The following PDE4B variants were observed in gnomAD, a reference collection of about 807,000 sequenced individuals.
PDE4B encodes phosphodiesterase 4B, also known as 3',5'-cyclic-AMP phosphodiesterase 4B.
Under a neutral mutation model 82.2 loss-of-function variants are expected in PDE4B, and 20 were observed. The observed-to-expected ratio is 0.24, with a 90% CI of 0.17 to 0.35. The LOEUF (loss-of-function observed/expected upper bound fraction) is 0.35. PDE4B is among the 10% of genes least tolerant of loss of function. The probability of loss-of-function intolerance (pLI) is 1.00; values close to 1 mark genes in which losing one functional copy is unlikely to be tolerated. For synonymous variants in PDE4B, 320 were observed against 318.9 expected (o/e 1.00, Z -0.04); for missense variants, 655 against 907.2 (o/e 0.72, Z 3.57).
chr1:66,003,526 G>T (rs1377103982), intron 3 of PDE4B, among the ~76,000 whole-genome samples: 1 of 152,112 alleles, frequency 6.6e-6, no homozygotes, highest in African/African-American at 2.4e-5. Flanking sequence ...AGGATTCAGT[G>T]AACAAATGCC....
At chr1:66,302,760 G>C (rs1657989716) in intron 7 of PDE4B, among the ~76,000 whole-genome samples, 1 of 152,190 alleles carries the variant, frequency 6.6e-6, no homozygotes, top group African/African-American at 2.4e-5. Context: ...ATCAGAGATT[G>C]ATTAGAATCT....
At chr1:65,995,129 A>G (rs1651466852) in intron 3 of PDE4B, among the ~76,000 whole-genome samples, 1 of 152,168 alleles carries the variant, frequency 6.6e-6, no homozygotes, top group South Asian at 2.1e-4. Context: ...ATAATTCATT[A>G]ATCATTAAAC....
At chr1:66,046,862 A>C (rs999697647) in intron 3 of PDE4B, among the ~76,000 whole-genome samples, 2 of 151,844 alleles carry the variant, frequency 1.3e-5, no homozygotes, top group Non-Finnish European at 2.9e-5. Context: ...ATTCAGATAC[A>C]ATGGGCTCTA....
intron 7 of PDE4B, among the ~76,000 whole-genome samples, chr1:66,287,226 G>A (rs778440852): frequency 1.3e-5 from 2 of 152,086 alleles, no homozygotes; most frequent in Non-Finnish European, 2.9e-5. Context: ...CTCCATCTTC[G>A]AATCCAAACA....
intron 3 of PDE4B, among the ~76,000 whole-genome samples, chr1:65,937,812 T>C (rs529972167): frequency 3.9e-5 from 6 of 152,274 alleles, no homozygotes; most frequent in African/African-American, 1.4e-4. Context: ...AAGTGCAGGT[T>C]TTATATAAAA....
At chr1:66,204,551 G>A (rs1304107015) in intron 3 of PDE4B, among the ~76,000 whole-genome samples, 2 of 152,024 alleles carry the variant, frequency 1.3e-5, no homozygotes, top group Non-Finnish European at 2.9e-5. Flanking sequence ...GCAATGGCAG[G>A]TGCCCCTCCC....
intron 1 of PDE4B, among the ~76,000 whole-genome samples, chr1:65,794,737 G>T (rs565834317): frequency 2.0e-4 from 31 of 152,212 alleles, no homozygotes; most frequent in South Asian, 6.2e-4. Flanking sequence ...TGCCAATTTT[G>T]TTAATTTACA....
intron 3 of PDE4B, among the ~76,000 whole-genome samples, chr1:65,934,391 C>T (rs1310821255): frequency 6.6e-6 from 1 of 152,158 alleles, no homozygotes; most frequent in Non-Finnish European, 1.5e-5. Flanking sequence ...TAACAAAGAG[C>T]TATGATTGTG....
At chr1:66,240,705 A>G (rs1652826023) in intron 3 of PDE4B, among the ~76,000 whole-genome samples, 1 of 152,228 alleles carries the variant, frequency 6.6e-6, no homozygotes, top group Non-Finnish European at 1.5e-5. Context: ...GCCTTGTTTC[A>G]TAGTGGGTGC....
chr1:66,122,659 G>C (rs1645734094), intron 3 of PDE4B, among the ~76,000 whole-genome samples: 1 of 150,778 alleles, frequency 6.6e-6, no homozygotes, highest in Non-Finnish European at 1.5e-5. Context: ...TAAGGAGTCA[G>C]AGGATCTTGA....
intron 3 of PDE4B, among the ~76,000 whole-genome samples, chr1:66,156,493 T>C (rs1013881175): frequency 2.0e-4 from 31 of 152,240 alleles, no homozygotes; most frequent in African/African-American, 7.0e-4. Flanking sequence ...ACATTTATTA[T>C]CCTATTTAAA....
chr1:66,213,493 T>C (rs1313539788), intron 3 of PDE4B, among the ~76,000 whole-genome samples: 1 of 152,216 alleles, frequency 6.6e-6, no homozygotes, highest in African/African-American at 2.4e-5. Flanking sequence ...CAATGTAAAC[T>C]AAGCACTATA....
chr1:66,198,349 T>A (rs956024932), intron 3 of PDE4B, among the ~76,000 whole-genome samples: 21 of 152,140 alleles, frequency 1.4e-4, no homozygotes, highest in African/African-American at 4.1e-4. Flanking sequence ...TTTTTCTATT[T>A]ATAAAAGAAG....
chr1:66,032,803 T>C (rs1316262872), intron 3 of PDE4B, among the ~76,000 whole-genome samples: 4 of 151,924 alleles, frequency 2.6e-5, no homozygotes, highest in East Asian at 3.9e-4. Flanking sequence ...TACAGGCGCC[T>C]GCCACCACGC....
At chr1:66,353,286 T>G (rs2101996900) in intron 8 of PDE4B, among the ~76,000 whole-genome samples, 1 of 152,204 alleles carries the variant, frequency 6.6e-6, no homozygotes, top group Admixed American at 6.5e-5. Context: ...GCAAGCAGGG[T>G]TACCCAGAAG....
chr1:66,271,855 A>G (rs969612999), intron 7 of PDE4B, among the ~76,000 whole-genome samples: 14 of 152,228 alleles, frequency 9.2e-5, no homozygotes, highest in African/African-American at 2.9e-4. Flanking sequence ...GTCTGCCAGT[A>G]AGGTCGTGTT....
At chr1:65,820,366 G>C (rs536745356) in intron 1 of PDE4B, among the ~76,000 whole-genome samples, 99 of 152,306 alleles carry the variant, frequency 6.5e-4, no homozygotes, top group African/African-American at 2.2e-3. Flanking sequence ...AATATTGTAG[G>C]TTAGATAGGC....
chr1:66,311,461 G>A (rs964296486), intron 7 of PDE4B, among the ~76,000 whole-genome samples: 1 of 152,260 alleles, frequency 6.6e-6, no homozygotes, highest in Non-Finnish European at 1.5e-5. Flanking sequence ...CATCTATGGA[G>A]CAGAAAGCAC....
chr1:66,192,230 A>G (rs1249717042), intron 3 of PDE4B, among the ~76,000 whole-genome samples: 1 of 152,040 alleles, frequency 6.6e-6, no homozygotes, highest in Non-Finnish European at 1.5e-5. Flanking sequence ...CTCTTTTGTG[A>G]TCCTTTCTAC....
Sources: allele counts gnomAD v4.1 joint callset (sites outside exome capture counted in the v4.1 genomes callset), GRCh38; gene constraint gnomAD v4.1.1; transcripts MANE v1.5; gene names NCBI Gene and HGNC (gene_info 2026-07-23, HGNC 2026-07-21).